The following FLRT2 variants were observed in gnomAD, a reference collection of about 807,000 sequenced individuals.
FLRT2 encodes leucine-rich repeat transmembrane protein FLRT2.
In FLRT2, 15 loss-of-function variants were observed where a neutral mutation model predicts 40.0. The ratio of observed to expected loss-of-function variants is 0.38; its 90% CI spans 0.25 to 0.58. The LOEUF is 0.58. FLRT2 is among the 20% of genes least tolerant of loss of function. The pLI is 0.71. For synonymous variants in FLRT2, 380 were observed against 336.8 expected (o/e 1.13, Z -1.41); for missense variants, 726 against 840.0 (o/e 0.86, Z 1.68).
chr14:85,610,421 T>G (rs1892807356), intron 1 of FLRT2, among the ~76,000 whole-genome samples: 1 of 152,226 alleles, frequency 6.6e-6, no homozygotes, highest in East Asian at 1.9e-4. Flanking sequence ...AGGTAGCGTC[T>G]TTGATCTTTA....
At chr14:85,533,128 T>G (rs1888390190) in intron 1 of FLRT2, among the ~76,000 whole-genome samples, 1 of 151,556 alleles carries the variant, frequency 6.6e-6, no homozygotes, top group African/African-American at 2.4e-5. Flanking sequence ...ACCAGAAAAG[T>G]AGGAGGGACT....
In FLRT2 at chr14:85,621,733, C is replaced by T. The variant is rs1440272827; in HGVS notation, c.219C>T (p.Asn73=). The T allele has an allele frequency of 2.5e-6, 4 of 1,614,184 alleles. No individual in the cohort carries two copies. Among genetic ancestry groups the T allele is most frequent in the Admixed American group, 3.3e-5 (2 of 60,022 alleles). The stretch of plus-strand genomic sequence containing the variant: ...TAACTGTACTCTACCTCCACAACAA[C>T]CAAATTAATAATGCTGGATTTCCTG... ...EGVTVLYLHN[N]QINNAGFPAE... The change falls in exon 2 of 2, where the codon AAC becomes AAT. Residue 73 remains asparagine (N), a synonymous_variant. Transcript: ENST00000330753.
chr14:85,587,163 C>T (rs368032513), intron 1 of FLRT2, among the ~76,000 whole-genome samples: 1 of 151,936 alleles, frequency 6.6e-6, no homozygotes, highest in South Asian at 2.1e-4. Flanking sequence ...CAAAATGATC[C>T]TTGAAAACCT....
chr14:85,598,706 G>A, intron 1 of FLRT2, among the ~76,000 whole-genome samples: 1 of 152,010 alleles, frequency 6.6e-6, no homozygotes, highest in Non-Finnish European at 1.5e-5. Flanking sequence ...TCCTGTTACG[G>A]TTTTAATATG....
chr14:85,639,873 G>T lies in FLRT2; in HGVS notation c.*16376G>T. 2 of 108,216 alleles carry T rather than the reference G, an allele frequency of 1.8e-5. No homozygotes were observed. Among genetic ancestry groups the T allele is most frequent in the African/African-American group, 3.8e-5 (1 of 26,186 alleles). 6.7% of individuals were successfully genotyped at this position (108,216 alleles called of 1,614,324 possible). A position where few individuals can be genotyped will look rare whatever the true frequency, so the allele number is the denominator to read the frequency against. ...TTCCTTTTTTTTTTTTTTTGAGACA[G>T]TGTCTCGCTCTGTCCCCCAGGCCAG... On this transcript the variant is annotated 3_prime_UTR_variant, in exon 2 of 2. Transcript: ENST00000330753.
rs1595095962 is a variant in FLRT2, at chr14:85,621,777, A to T, written c.263A>T (p.Gln88Leu). 2.5e-6 allele frequency: 4 copies of T among 1,614,236 alleles called. No individual in the cohort carries two copies. In the East Asian group the frequency reaches 8.9e-5, roughly 36 times the overall value. The change falls in exon 2 of 2, where the codon CAG becomes CTG. Residue 88 changes from glutamine to leucine, a missense_variant. Transcript: ENST00000330753. ...AGFPAELHNV[Q>L]SVHTVYLYGN... The stretch of plus-strand genomic sequence containing the variant: ...TTTCCTGCAGAACTGCACAATGTAC[A>T]GTCGGTGCACACGGTCTACCTGTAT...
At chr14:85,562,218 GGTCACCTTC>G (rs1281203150) in intron 1 of FLRT2, among the ~76,000 whole-genome samples, 1 of 152,188 alleles carries the variant, frequency 6.6e-6, no homozygotes, top group East Asian at 1.9e-4. Context: ...TTACACACCT[GGTCACCTTC>G]TTTAGTCCAT....
At chr14:85,591,562 G>A (rs1192462105) in intron 1 of FLRT2, among the ~76,000 whole-genome samples, 15 of 152,192 alleles carry the variant, frequency 9.9e-5, no homozygotes, top group African/African-American at 3.4e-4. Flanking sequence ...TTCTGAAGAT[G>A]CATAGGCAGG....
rs1365181713 is a variant in FLRT2 at position 85,628,812 on chromosome 14, C to T, written c.*5315C>T. The T allele has an allele frequency of 6.6e-6, 1 of 152,148 alleles. No homozygotes were observed. The highest frequency in any genetic ancestry group is 1.5e-5 in the Non-Finnish European group (1 of 68,020). 9.4% of individuals were successfully genotyped at this position (152,148 alleles called of 1,614,324 possible). ...GTAACATCTATGCTATTCTTGGGTACTTTTGCCAAGAGTTACAGACCTTAT... is the reference window on the plus strand; with the variant it reads ...GTAACATCTATGCTATTCTTGGGTATTTTTGCCAAGAGTTACAGACCTTAT... On this transcript the variant is annotated 3_prime_UTR_variant, in exon 2 of 2. Transcript: ENST00000330753.
chr14:85,586,841 G>A (rs902308316), intron 1 of FLRT2, among the ~76,000 whole-genome samples: 2 of 152,158 alleles, frequency 1.3e-5, no homozygotes, highest in Non-Finnish European at 2.9e-5. Flanking sequence ...GTTTAGTCGT[G>A]ATCCTGTCAT....
At position 85,622,577 on chromosome 14, in the gene FLRT2, A is replaced by G. The variant is rs988486068; in HGVS notation, c.1063A>G (p.Met355Val). ...GGGGATGGCCGTCAGGGAATTAAAT[A>G]TGAATCTTTTGTCCTGTCCCACCAC... ...VRGMAVRELNMNLLSCPTTTP... is the reference protein window; with the variant it reads ...VRGMAVRELNVNLLSCPTTTP... The change falls in exon 2 of 2, where the codon ATG (methionine) becomes GTG (valine). Residue 355 changes from methionine (M) to valine (V), a missense_variant. This residue lies in a region of FLRT2 where 611 missense variants were observed against 690.0 expected (regional missense o/e 0.89). Coordinates refer to ENST00000330753, the MANE Select transcript of FLRT2 (RefSeq NM_013231.6). 1 of 1,613,624 alleles carries G rather than the reference A, an allele frequency of 6.2e-7. No homozygotes were observed. Among genetic ancestry groups the G allele is most frequent in the South Asian group, 1.1e-5 (1 of 91,056 alleles).
At chr14:85,568,835 C>T (rs1890757096) in intron 1 of FLRT2, among the ~76,000 whole-genome samples, 1 of 152,180 alleles carries the variant, frequency 6.6e-6, no homozygotes, top group African/African-American at 2.4e-5. Context: ...TTACGGACTT[C>T]AGAAGTTAAC....
rs557504683 is a variant in FLRT2 at position 85,654,144 on chromosome 14, T to G, written c.*30647T>G. 1 of 152,098 alleles carries G rather than the reference T, an allele frequency of 6.6e-6. No homozygotes were observed. The highest frequency in any genetic ancestry group is 2.4e-5 in the African/African-American group (1 of 41,562). 9.4% of individuals were successfully genotyped at this position (152,098 alleles called of 1,614,324 possible). On this transcript the variant is annotated 3_prime_UTR_variant, in exon 2 of 2. Transcript: ENST00000330753. Reference sequence around the variant, plus strand: ...GTTTATGTCTATGCCAAACTTGCTCTGCTGAGTTCCTGGTGGAATGAAAAG... The same window carrying G: ...GTTTATGTCTATGCCAAACTTGCTCGGCTGAGTTCCTGGTGGAATGAAAAG...
At chr14:85,551,139 A>G (rs1955415) in intron 1 of FLRT2, among the ~76,000 whole-genome samples, 31,471 of 152,186 alleles carry the variant, frequency 0.21, 3,840 homozygotes, top group African/African-American at 0.32. Context: ...TCATTTAGCT[A>G]GTAGCTTAGA....
At chr14:85,544,143 G>A (rs1316310847) in intron 1 of FLRT2, among the ~76,000 whole-genome samples, 1 of 152,148 alleles carries the variant, frequency 6.6e-6, no homozygotes, top group Admixed American at 6.5e-5. Context: ...ACCCAGTGGA[G>A]GGGGAAGTAC....
chr14:85,586,693 T>TAC (rs59496302), intron 1 of FLRT2, among the ~76,000 whole-genome samples: 3,223 of 150,272 alleles, frequency 0.021, 82 homozygotes, highest in African/African-American at 0.065. Flanking sequence ...AATATATATG[T>TAC]ACACACACAC....
chr14:85,538,221 G>T (rs1400335878), intron 1 of FLRT2, among the ~76,000 whole-genome samples: 1 of 152,074 alleles, frequency 6.6e-6, no homozygotes, highest in Non-Finnish European at 1.5e-5. Flanking sequence ...CAGTGTCATT[G>T]TTACATCCGG....
chr14:85,613,916 A>G (rs536544814), intron 1 of FLRT2, among the ~76,000 whole-genome samples: 2 of 152,226 alleles, frequency 1.3e-5, no homozygotes, highest in African/African-American at 2.4e-5. Flanking sequence ...TGATCAATGA[A>G]TGAACAAGGA....
Position 85,639,851 on chromosome 14 carries a change from C to CTTTTTTTTTTTTTT in FLRT2, c.*16356_*16369dup, listed in dbSNP as rs869148428. The CTTTTTTTTTTTTTT allele has an allele frequency of 4.2e-5, 5 of 119,250 alleles. No homozygotes were observed. Among genetic ancestry groups the CTTTTTTTTTTTTTT allele is most frequent in the Admixed American group, 9.8e-5 (1 of 10,216 alleles). The allele number at this position is 119,250 out of a possible 1,614,324, so 7.4% of individuals were successfully genotyped here. On this transcript the variant is annotated 3_prime_UTR_variant, in exon 2 of 2. Transcript: ENST00000330753. ...GAAATTCTTTATTTTTTTTTTTTTCCTTTTTTTTTTTTTTTGAGACAGTGT... is the reference window on the plus strand; with the variant it reads ...GAAATTCTTTATTTTTTTTTTTTTCCTTTTTTTTTTTTTTTTTTTTTTTTTTTTTGAGACAGTGT...
Sources: allele counts gnomAD v4.1 joint callset (sites outside exome capture counted in the v4.1 genomes callset), GRCh38; gene constraint gnomAD v4.1.1; regional missense constraint gnomAD v4.1.1; transcripts MANE v1.5; gene names NCBI Gene and HGNC (gene_info 2026-07-23, HGNC 2026-07-21).